Variants in KCNJ6 observed in about 807,000 individuals in gnomAD.
KCNJ6 encodes G protein-activated inward rectifier potassium channel 2.
Under a neutral mutation model 34.2 loss-of-function variants are expected in KCNJ6, and 9 were observed. That is an observed-to-expected ratio of 0.26 (90% CI 0.16 to 0.46). The LOEUF (loss-of-function observed/expected upper bound fraction) is 0.46, where lower values mean the gene tolerates loss of function less well. Among genes scored for constraint, KCNJ6 ranks in the 20% least tolerant of loss-of-function variants. KCNJ6 has a pLI of 1.00. For synonymous variants in KCNJ6, 196 were observed against 207.1 expected, an observed-to-expected ratio of 0.95 and a Z score of 0.46; for missense variants, 236 against 531.3, an observed-to-expected ratio of 0.44 and a Z score of 5.46.
intron 2 of KCNJ6, among the ~76,000 whole-genome samples, chr21:37,807,461 C>T (rs1002602722): frequency 1.6e-4 from 24 of 152,232 alleles, no homozygotes; most frequent in African/African-American, 5.8e-4. Context: ...AGAACACAGT[C>T]ATGTGTCGCA....
In KCNJ6 at chr21:37,613,331, C is replaced by A. The variant is rs73220479; in HGVS notation, c.*11828G>T. On this transcript the variant is annotated 3_prime_UTR_variant, in exon 4 of 4. Transcript: ENST00000609713. ...TGGAGCAACGGGAACCCTCATTCAT[C>A]GCTAGTGGAATGCAAAACAGTACAG... 4.6e-5 allele frequency: 7 copies of A among 152,056 alleles called. No individual in the cohort carries two copies. Among genetic ancestry groups the A allele is most frequent in the African/African-American group, 1.4e-4 (6 of 41,388 alleles). The allele number at this position is 152,056 out of a possible 1,614,324, so 9.4% of individuals were successfully genotyped here. A position where few individuals can be genotyped will look rare whatever the true frequency, so the allele number is the denominator to read the frequency against.
Position 37,873,993 on chromosome 21 carries a change from C to A in KCNJ6, c.-27-33284G>T, listed in dbSNP as rs185543101. On this transcript the variant is annotated intron_variant, in intron 1 of 3. Coordinates refer to ENST00000609713, the MANE Select transcript of KCNJ6 (RefSeq NM_002240.5). ...TCCACTCCCTCTTCAACTTCTATCT[C>A]CATTTCTCTGCTCACTTTCACAGCA... is the stretch of plus-strand genomic sequence containing the variant. 2.5e-3 allele frequency among the ~76,000 whole-genome samples: 387 copies of A among 152,318 alleles called. 3 individuals are homozygous for A. The highest frequency in any genetic ancestry group is 3.2e-3 in the Non-Finnish European group (220 of 68,030).
At chr21:37,690,458 T>C (rs2054634548) in intron 3 of KCNJ6, among the ~76,000 whole-genome samples, 1 of 152,150 alleles carries the variant, frequency 6.6e-6, no homozygotes, top group Admixed American at 6.5e-5. Context: ...CTCCAGCCAA[T>C]GTCTACTGTG....
At chr21:37,908,357 T>A (rs2055851525) in intron 1 of KCNJ6, among the ~76,000 whole-genome samples, 1 of 152,228 alleles carries the variant, frequency 6.6e-6, no homozygotes, top group Non-Finnish European at 1.5e-5. Flanking sequence ...TCTCAAACAC[T>A]GCTTACAAAT....
chr21:37,799,516 A>C (rs1285608345), intron 2 of KCNJ6, among the ~76,000 whole-genome samples: 1 of 152,196 alleles, frequency 6.6e-6, no homozygotes, highest in African/African-American at 2.4e-5. Flanking sequence ...TCTACACAGT[A>C]ATTATGGGTC....
chr21:37,658,260 A>T (rs1052848149), intron 3 of KCNJ6, among the ~76,000 whole-genome samples: 5 of 152,308 alleles, frequency 3.3e-5, no homozygotes, highest in Admixed American at 2.6e-4. Flanking sequence ...AAATGGAGAG[A>T]TGGAAGTATT....
intron 3 of KCNJ6, among the ~76,000 whole-genome samples, chr21:37,684,455 AATAAG>A (rs1694691083): frequency 6.6e-6 from 1 of 152,134 alleles, no homozygotes; most frequent in Non-Finnish European, 1.5e-5. Flanking sequence ...CCTATTTCCC[AATAAG>A]ATCATATTCT....
chr21:37,634,860 G>C (rs1330367959), intron 3 of KCNJ6, among the ~76,000 whole-genome samples: 1 of 151,726 alleles, frequency 6.6e-6, no homozygotes, highest in East Asian at 1.9e-4. Flanking sequence ...CTGGGTTCAA[G>C]TGATTCTTGT....
chr21:37,692,792 C>T (rs2054645741), intron 3 of KCNJ6, among the ~76,000 whole-genome samples: 1 of 152,196 alleles, frequency 6.6e-6, no homozygotes, highest in South Asian at 2.1e-4. Flanking sequence ...CAGCGATCTG[C>T]CAAGGAACCA....
rs554570399 is a variant in KCNJ6 at position 37,610,205 on chromosome 21, C to T, written c.*14954G>A. ...ATGGTGGTGTAGGTTGGAATGGATA[C>T]TAGAATTATTAAAGCAGAGACTATG... is the stretch of plus-strand genomic sequence containing the variant. On this transcript the variant is annotated 3_prime_UTR_variant, in exon 4 of 4. Transcript: ENST00000609713. 6.6e-6 allele frequency: 1 copy of T among 152,190 alleles called. No individual in the cohort carries two copies. Among genetic ancestry groups the T allele is most frequent in the Admixed American group, 6.5e-5 (1 of 15,280 alleles). 9.4% of individuals were successfully genotyped at this position (152,190 alleles called of 1,614,324 possible). A position where few individuals can be genotyped will look rare whatever the true frequency, so the allele number is the denominator to read the frequency against.
intron 2 of KCNJ6, among the ~76,000 whole-genome samples, chr21:37,762,308 A>C (rs73409897): frequency 0.081 from 12,376 of 152,190 alleles, 611 homozygotes; most frequent in African/African-American, 0.14. Context: ...TTTGGGGTGG[A>C]TGTAGACGCT....
chr21:37,687,432 C>T (rs1194169028), intron 3 of KCNJ6, among the ~76,000 whole-genome samples: 2 of 152,194 alleles, frequency 1.3e-5, no homozygotes, highest in African/African-American at 4.8e-5. Flanking sequence ...TTCTTCATGT[C>T]TCCGTGCCAT....
chr21:37,875,902 A>G (rs779586781), intron 1 of KCNJ6, among the ~76,000 whole-genome samples: 3 of 152,208 alleles, frequency 2.0e-5, no homozygotes, highest in Non-Finnish European at 4.4e-5. Flanking sequence ...GGTGGCTTAT[A>G]AAGTTGAAAA....
chr21:37,715,704 A>G (rs4817888), intron 2 of KCNJ6, among the ~76,000 whole-genome samples: 53,361 of 151,902 alleles, frequency 0.35, 9,821 homozygotes, highest in East Asian at 0.43. Flanking sequence ...ATCTAATAGG[A>G]CTGGTATCCT....
intron 1 of KCNJ6, among the ~76,000 whole-genome samples, chr21:37,910,949 T>C (rs1157322065): frequency 6.6e-6 from 1 of 152,164 alleles, no homozygotes; most frequent in African/African-American, 2.4e-5. Flanking sequence ...ATGATTCAAT[T>C]TAGTAACAAA....
At chr21:37,835,294 T>C (rs2055446351) in intron 2 of KCNJ6, among the ~76,000 whole-genome samples, 1 of 152,102 alleles carries the variant, frequency 6.6e-6, no homozygotes, top group African/African-American at 2.4e-5. Context: ...TGGGGGGTCC[T>C]AGGGAAGGGA....
At chr21:37,707,939 T>G (rs1022512996) in intron 3 of KCNJ6, among the ~76,000 whole-genome samples, 1 of 152,068 alleles carries the variant, frequency 6.6e-6, no homozygotes, top group African/African-American at 2.4e-5. Context: ...TGCTGTTCCT[T>G]TGGAAGATGA....
Position 37,625,080 on chromosome 21 carries a change from A to G in KCNJ6, c.*79T>C. 9.6e-7 allele frequency: 1 copy of G among 1,036,852 alleles called. No homozygotes were observed. Among genetic ancestry groups the G allele is most frequent in the South Asian group, 1.5e-5 (1 of 66,228 alleles). 64.2% of individuals were successfully genotyped at this position (1,036,852 alleles called of 1,614,324 possible). On this transcript the variant is annotated 3_prime_UTR_variant, in exon 4 of 4. Transcript: ENST00000609713. ...AAACAAATAAAGAACAAAGCAAGAG[A>G]GACAGAAAAAGAAAGAGAATGAGAG...
intron 2 of KCNJ6, among the ~76,000 whole-genome samples, chr21:37,724,968 T>C (rs1362228120): frequency 6.6e-6 from 1 of 152,184 alleles, no homozygotes; most frequent in Non-Finnish European, 1.5e-5. Context: ...AGGCAGGCCT[T>C]TTTTTAACCA....
Sources: gnomAD v4.1 joint callset for allele counts (sites outside exome capture counted in the v4.1 genomes callset) on GRCh38, gnomAD v4.1.1 for gene constraint, MANE v1.5 for transcripts, NCBI Gene and HGNC (gene_info 2026-07-23, HGNC 2026-07-21) for gene names.